The following MEGF11 variants were observed in gnomAD, a reference collection of about 807,000 sequenced individuals.
MEGF11 encodes multiple EGF like domains 11.
MEGF11 carries 126 observed loss-of-function variants against 146.6 expected under a neutral mutation model. The ratio of observed to expected loss-of-function variants is 0.86; its 90% CI spans 0.74 to 1.00. The LOEUF is 1.00. Ranked by LOEUF, MEGF11 falls within the 50% of genes least tolerant of loss-of-function variation. The pLI, the probability that MEGF11 is intolerant of heterozygous loss-of-function variation, is 0.00. For synonymous variants in MEGF11, 532 were observed against 583.4 expected (o/e 0.91, Z 1.27); for missense variants, 1,509 against 1,521.2 (o/e 0.99, Z 0.13).
At chr15:66,028,754 C>T (rs1222322888) in intron 5 of MEGF11, among the ~76,000 whole-genome samples, 1 of 152,068 alleles carries the variant, frequency 6.6e-6, no homozygotes, top group Non-Finnish European at 1.5e-5. Context: ...GGAAAAAATG[C>T]TTATGGTAAA....
At chr15:65,900,120 C>G (rs2078459251) in intron 24 of MEGF11, among the ~76,000 whole-genome samples, 1 of 152,198 alleles carries the variant, frequency 6.6e-6, no homozygotes, top group Non-Finnish European at 1.5e-5. Context: ...CTGTGAAGCT[C>G]TGCTAGACAA....
At chr15:66,090,013 A>G (rs1388883705) in intron 5 of MEGF11, among the ~76,000 whole-genome samples, 5 of 152,254 alleles carry the variant, frequency 3.3e-5, no homozygotes, top group Admixed American at 6.5e-5. Context: ...ACAGCCCAGA[A>G]TTATCTGATA....
intron 5 of MEGF11, among the ~76,000 whole-genome samples, chr15:66,072,416 C>T (rs1182006091): frequency 6.6e-6 from 1 of 152,132 alleles, no homozygotes; most frequent in Admixed American, 6.5e-5. Flanking sequence ...TTATTTTCTT[C>T]TTAGCATTTA....
rs561867957 is a variant in MEGF11, at chr15:66,172,304, G to C, written c.-8-43893C>G. 4.6e-5 allele frequency among the ~76,000 whole-genome samples: 7 copies of C among 152,314 alleles called. No individual in the cohort carries two copies. The South Asian group carries it at 6.2e-4, about 14-fold the overall frequency. On this transcript the variant is annotated intron_variant, in intron 1 of 25. Transcript: ENST00000395614. ...CCTGCCTCCCTCCAGGAGCTGGAAG[G>C]CTACCTAGTCCATTGCCTCGTGGGC... is the stretch of plus-strand genomic sequence containing the variant.
chr15:66,143,880 T>C (rs1391947792), intron 1 of MEGF11, among the ~76,000 whole-genome samples: 2 of 152,000 alleles, frequency 1.3e-5, no homozygotes, highest in Non-Finnish European at 2.9e-5. Context: ...GACCCCGAGG[T>C]GGGACTCAGG....
At chr15:66,249,711 G>C (rs1269491357) in intron 1 of MEGF11, among the ~76,000 whole-genome samples, 1 of 152,170 alleles carries the variant, frequency 6.6e-6, no homozygotes, top group African/African-American at 2.4e-5. Context: ...GATTCTCAAA[G>C]TGTCCAAGTG....
At position 65,898,920 on chromosome 15, in the gene MEGF11, A is replaced by C. The variant is rs1384969513; in HGVS notation, c.3070T>G (p.Ser1024Ala). 1.2e-6 allele frequency: 2 copies of C among 1,613,798 alleles called. No homozygotes were observed. Among genetic ancestry groups the C allele is most frequent in the Non-Finnish European group, 1.7e-6 (2 of 1,179,820 alleles). ...DKGFKDYMKE[S>A]VCSSSTCSLN... is the part of the protein sequence containing the mutation. Reference sequence around the variant, plus strand: ...GAACAAGTACTAGAACTGCACACGGATTCTTTCATGTAATCTGCAAGGCAA... The same window carrying C: ...GAACAAGTACTAGAACTGCACACGGCTTCTTTCATGTAATCTGCAAGGCAA... The change falls in exon 25 of 26, where the codon TCC becomes GCC. Residue 1024 changes from serine to alanine, a missense_variant. Coordinates refer to ENST00000395614, the MANE Select transcript of MEGF11 (RefSeq NM_001385028.1).
At chr15:66,232,629 C>A (rs1229866196) in intron 1 of MEGF11, among the ~76,000 whole-genome samples, 2 of 152,218 alleles carry the variant, frequency 1.3e-5, no homozygotes, top group Non-Finnish European at 2.9e-5. Flanking sequence ...CCCTGGCCTT[C>A]ATTTTCTGCT....
At chr15:66,172,750 G>A (rs1375140304) in intron 1 of MEGF11, among the ~76,000 whole-genome samples, 2 of 152,162 alleles carry the variant, frequency 1.3e-5, no homozygotes, top group Non-Finnish European at 2.9e-5. Context: ...TGTGCCATCT[G>A]TCTCCTACTG....
At chr15:65,960,480 A>G (rs746164677) in intron 9 of MEGF11, among the ~76,000 whole-genome samples, 5 of 152,194 alleles carry the variant, frequency 3.3e-5, no homozygotes, top group African/African-American at 1.2e-4. Context: ...GCTCTGCTAG[A>G]TGGTTTTGGA....
chr15:65,984,518 T>G (rs2141705583), intron 5 of MEGF11, among the ~76,000 whole-genome samples: 1 of 87,670 alleles, frequency 1.1e-5, no homozygotes, highest in South Asian at 4.4e-4. Context: ...AGAGCAAGAC[T>G]CCGTGTCAAA....
chr15:65,982,374 C>T lies in MEGF11; in HGVS notation c.509G>A (p.Trp170Ter). Residue 170 changes from tryptophan to a stop codon, truncating the protein, a stop_gained, in exon 6 of 26, where the codon TGG (tryptophan) becomes TAG (stop). Transcript: ENST00000395614. LOFTEE classifies it high-confidence loss of function. This position sits in a 1 kb window ranked among gnomAD's most constrained non-coding sequence, Gnocchi z 5.6. ...ACVCAAGFRG[W>*]RCEELCAPGT... ...AGGTGCGCAGAGCTCCTCGCAGCGC[C>T]ATCCACGGAAGCCGGCGGCGCACAC... The T allele has an allele frequency of 6.5e-7, 1 of 1,533,954 alleles. No individual in the cohort carries two copies. Among genetic ancestry groups the T allele is most frequent in the Non-Finnish European group, 8.8e-7 (1 of 1,142,282 alleles).
intron 5 of MEGF11, among the ~76,000 whole-genome samples, chr15:65,999,878 G>A (rs1216096744): frequency 6.6e-6 from 1 of 152,228 alleles, no homozygotes; most frequent in African/African-American, 2.4e-5. Flanking sequence ...ATCATCCACT[G>A]GCTGTAAACT....
chr15:66,046,685 T>C (rs1362360130), intron 5 of MEGF11, among the ~76,000 whole-genome samples: 1 of 152,200 alleles, frequency 6.6e-6, no homozygotes, highest in East Asian at 1.9e-4. Flanking sequence ...CCGTGCCCAC[T>C]TCTAAAGAGA....
intron 24 of MEGF11, among the ~76,000 whole-genome samples, chr15:65,905,029 A>G (rs1482909273): frequency 6.6e-6 from 1 of 152,166 alleles, no homozygotes; most frequent in Non-Finnish European, 1.5e-5. Flanking sequence ...AGTAGCTGGG[A>G]TTACAGGTGT....
intron 1 of MEGF11, among the ~76,000 whole-genome samples, chr15:66,229,777 AG>A (rs2091929589): frequency 6.6e-6 from 1 of 152,166 alleles, no homozygotes; most frequent in Non-Finnish European, 1.5e-5. Context: ...AGCTGGGTGG[AG>A]GCCCCAGGAC....
At chr15:66,239,333 G>A (rs946651138) in intron 1 of MEGF11, among the ~76,000 whole-genome samples, 14 of 152,216 alleles carry the variant, frequency 9.2e-5, no homozygotes, top group Admixed American at 8.5e-4. Context: ...AGACATGTAG[G>A]CCTGAGCAAG....
intron 10 of MEGF11, among the ~76,000 whole-genome samples, chr15:65,943,958 G>A (rs2080099093): frequency 6.6e-6 from 1 of 152,208 alleles, no homozygotes; most frequent in Non-Finnish European, 1.5e-5. Context: ...GATGGTGACA[G>A]TGTCCTAGGT....
intron 5 of MEGF11, among the ~76,000 whole-genome samples, chr15:66,013,422 T>C (rs1335951680): frequency 5.3e-5 from 8 of 151,980 alleles, no homozygotes; most frequent in Admixed American, 2.6e-4. Flanking sequence ...TGGCAACTTA[T>C]GTTGCACACC....
Sources: gnomAD v4.1 joint callset for allele counts (sites outside exome capture counted in the v4.1 genomes callset) on GRCh38, gnomAD v4.1.1 for gene constraint, Gnocchi (gnomAD v3.1) non-coding constraint, MANE v1.5 for transcripts, NCBI Gene and HGNC (gene_info 2026-07-23, HGNC 2026-07-21) for gene names.